Variants in OXNAD1 observed in about 807,000 individuals in gnomAD.
OXNAD1 encodes the protein oxidoreductase NAD binding domain containing 1, also known as oxidoreductase NAD-binding domain-containing protein 1.
Under a neutral mutation model 32.9 loss-of-function variants are expected in OXNAD1, and 34 were observed. The ratio of observed to expected loss-of-function variants is 1.03; its 90% CI spans 0.79 to 1.38. The LOEUF (loss-of-function observed/expected upper bound fraction) is 1.38. OXNAD1 is among the 40% of genes most tolerant of loss of function. OXNAD1 has a pLI of 0.00. For synonymous variants in OXNAD1, 134 were observed against 135.2 expected (o/e 0.99, Z 0.06); for missense variants, 407 against 379.4 (o/e 1.07, Z -0.60).
rs746640636 is a variant in OXNAD1 at position 16,335,239 on chromosome 3, A to T, written c.*31-1873A>T. Among the ~76,000 whole-genome samples the T allele has an allele frequency of 2.0e-5, 3 of 152,204 alleles. No homozygotes were observed. The highest frequency in any genetic ancestry group is 2.9e-5 in the Non-Finnish European group (2 of 68,030). On this transcript the variant is annotated intron_variant, in intron 9 of 9. Coordinates refer to the OXNAD1 transcript ENST00000435829. This position sits in a 1 kb window ranked among gnomAD's most constrained non-coding sequence, Gnocchi z 4.7. ...AACACTTGGAGGTGCTGACAGATGC[A>T]GGGTAGGTGAAAACTCCTGGAGGGA...
intron 9 of OXNAD1, chr3:16,315,778 G>A (rs2068323109): frequency 1.3e-5 from 2 of 152,256 alleles, no homozygotes; most frequent in Non-Finnish European, 2.9e-5. Context: ...TGAATGGGGG[G>A]TGTGGGCTGG....
rs866042949 is a variant in OXNAD1 at position 16,342,734 on chromosome 3, G to A, written c.*31-6442G>A. On this transcript the variant is annotated intron_variant, in intron 9 of 9. Transcript: ENST00000606098. The surrounding 1 kb of genome is among the most constrained non-coding windows in gnomAD (Gnocchi z 4.0). ...ATTTGCCACTTCACCCGAAAAGGAT[G>A]TTTAAAGAGGCCACTGATTTAAAAG... Among the ~76,000 whole-genome samples, 1 of 152,248 alleles carries A rather than the reference G, an allele frequency of 6.6e-6. No homozygotes were observed. The highest frequency in any genetic ancestry group is 2.4e-5 in the African/African-American group (1 of 41,462).
chr3:16,289,916 C>T lies in OXNAD1; in HGVS notation c.290+3468C>T, dbSNP rs1002149317. 3.9e-5 allele frequency among the ~76,000 whole-genome samples: 6 copies of T among 152,186 alleles called. No individual in the cohort carries two copies. The highest frequency in any genetic ancestry group is 3.9e-4 in the Admixed American group (6 of 15,276). ...CTTAGAGTGGGTTCATTGAGGGCAG[C>T]AACTAAGACATATGTGCATCTTTGT... On this transcript the variant is annotated intron_variant, in intron 5 of 8. Coordinates refer to ENST00000285083, the MANE Select transcript of OXNAD1 (RefSeq NM_138381.5). The surrounding 1 kb of genome is among the most constrained non-coding windows in gnomAD (Gnocchi z 4.9).
In OXNAD1 at chr3:16,344,362, A is replaced by G. The variant is rs1471621178; in HGVS notation, c.*31-4814A>G. Among the ~76,000 whole-genome samples the G allele has an allele frequency of 1.3e-5, 2 of 151,846 alleles. No individual in the cohort carries two copies. The highest frequency in any genetic ancestry group is 4.8e-5 in the African/African-American group (2 of 41,290). Reference sequence around the variant, plus strand: ...TTTTTTAATTAGTAGGATGCTTCCTATAGGCATCAACTATAATCTAATTTA... The same window carrying G: ...TTTTTTAATTAGTAGGATGCTTCCTGTAGGCATCAACTATAATCTAATTTA... On this transcript the variant is annotated intron_variant, in intron 9 of 9. Transcript: ENST00000606098. The surrounding 1 kb of genome is among the most constrained non-coding windows in gnomAD (Gnocchi z 4.4).
rs897011507 is a variant in OXNAD1 at position 16,284,771 on chromosome 3, C to T, written c.184-1571C>T. Among the ~76,000 whole-genome samples the T allele has an allele frequency of 2.6e-5, 4 of 152,202 alleles. No homozygotes were observed. The highest frequency in any genetic ancestry group is 9.6e-5 in the African/African-American group (4 of 41,458). The stretch of plus-strand genomic sequence containing the variant: ...TAGCTGAGGAGGGCTAGGTAACTTG[C>T]CCAGAGTCACACAGCTGGTAAGCGG... On this transcript the variant is annotated intron_variant, in intron 4 of 8. Coordinates refer to ENST00000285083, the MANE Select transcript of OXNAD1 (RefSeq NM_138381.5). The surrounding 1 kb of genome is among the most constrained non-coding windows in gnomAD (Gnocchi z 4.1).
chr3:16,302,852 A>G lies in OXNAD1; in HGVS notation c.784+104A>G. On this transcript the variant is annotated intron_variant, in intron 8 of 8. Transcript: ENST00000285083. The surrounding 1 kb of genome is among the most constrained non-coding windows in gnomAD (Gnocchi z 4.2). Reference sequence around the variant, plus strand: ...TATTGTTGGAAGCTGCTGGCTGGGAATGTCACTATCTGGGGAATTGGGATG... The same window carrying G: ...TATTGTTGGAAGCTGCTGGCTGGGAGTGTCACTATCTGGGGAATTGGGATG... The G allele has an allele frequency of 1.2e-6, 1 of 852,892 alleles. No homozygotes were observed. Among genetic ancestry groups the G allele is most frequent in the Non-Finnish European group, 1.9e-6 (1 of 525,744 alleles). 52.8% of individuals were successfully genotyped at this position (852,892 alleles called of 1,614,324 possible).
At position 16,277,276 on chromosome 3, in the gene OXNAD1, T is replaced by A. The variant is rs2065413952; in HGVS notation, c.183+5554T>A. On this transcript the variant is annotated intron_variant, in intron 4 of 8. Transcript: ENST00000285083. This position sits in a 1 kb window ranked among gnomAD's most constrained non-coding sequence, Gnocchi z 4.3. ...CTCTTCTCCCATACAGAATGAGAAC[T>A]GCGAAGAGTTGGGAGGAACTGGAGA... Among the ~76,000 whole-genome samples the A allele has an allele frequency of 6.6e-6, 1 of 152,130 alleles. No individual in the cohort carries two copies. The highest frequency in any genetic ancestry group is 1.5e-5 in the Non-Finnish European group (1 of 68,018).
Position 16,282,689 on chromosome 3 carries a change from G to A in OXNAD1, c.184-3653G>A, listed in dbSNP as rs117516460. ...GCTTGGCACATGCTGAATGACCTAGGTAGGGTTTTGGGGAAGGGCAGGTGT... is the reference window on the plus strand; with the variant it reads ...GCTTGGCACATGCTGAATGACCTAGATAGGGTTTTGGGGAAGGGCAGGTGT... On this transcript the variant is annotated intron_variant, in intron 4 of 8. Coordinates refer to ENST00000285083, the MANE Select transcript of OXNAD1 (RefSeq NM_138381.5). 6.0e-4 allele frequency among the ~76,000 whole-genome samples: 92 copies of A among 152,208 alleles called. 1 individual carries two copies. The East Asian group carries it at 0.014, about 22-fold the overall frequency.
intron 9 of OXNAD1, among the ~76,000 whole-genome samples, chr3:16,313,282 A>G (rs1161983104): frequency 6.9e-6 from 1 of 145,252 alleles, no homozygotes; most frequent in Non-Finnish European, 1.5e-5. Context: ...AGCTCAAGCG[A>G]TCCTTCTGTC....
At chr3:16,318,183 T>C (rs6797562) in intron 9 of OXNAD1, among the ~76,000 whole-genome samples, 35,698 of 151,688 alleles carry the variant, frequency 0.24, 5,880 homozygotes, top group African/African-American at 0.48. Flanking sequence ...CCCAGCTCCG[T>C]CACTGACCGG....
Position 16,334,446 on chromosome 3 carries a change from CAG to C in OXNAD1, c.*31-2663_*31-2662del, listed in dbSNP as rs2070656454. Among the ~76,000 whole-genome samples the C allele has an allele frequency of 6.6e-6, 1 of 152,166 alleles. No individual in the cohort carries two copies. The highest frequency in any genetic ancestry group is 2.4e-5 in the African/African-American group (1 of 41,428). On this transcript the variant is annotated intron_variant, in intron 9 of 9. Transcript: ENST00000435829. The surrounding 1 kb of genome is among the most constrained non-coding windows in gnomAD (Gnocchi z 4.3). ...TACGTATTAAAAAATGAGAAATGCA[CAG>C]AGTTATTCACTGGAGAGCGGTCTGC...
intron 4 of OXNAD1, chr3:16,276,647 C>G (rs1279356788): frequency 1.3e-5 from 2 of 154,214 alleles, no homozygotes; most frequent in East Asian, 1.9e-4. Flanking sequence ...TCCTGTATAG[C>G]TGAGTTTCAC....
rs143330320 is a variant in OXNAD1 at position 16,277,770 on chromosome 3, T to G, written c.183+6048T>G. Among the ~76,000 whole-genome samples the G allele has an allele frequency of 5.3e-5, 8 of 152,360 alleles. No individual in the cohort carries two copies. Among genetic ancestry groups the G allele is most frequent in the African/African-American group, 1.7e-4 (7 of 41,588 alleles). On this transcript the variant is annotated intron_variant, in intron 4 of 8. Transcript: ENST00000285083. This position sits in a 1 kb window ranked among gnomAD's most constrained non-coding sequence, Gnocchi z 4.3. ...TTTACTGAATGACCATTTATGATGT[T>G]TATGCTTCTTACTTGGGACTGTAAC...
Position 16,336,218 on chromosome 3 carries a change from G to A in OXNAD1, c.*31-894G>A, listed in dbSNP as rs1193848382. Among the ~76,000 whole-genome samples, 1 of 152,238 alleles carries A rather than the reference G, an allele frequency of 6.6e-6. No individual in the cohort carries two copies. Among genetic ancestry groups the A allele is most frequent in the Non-Finnish European group, 1.5e-5 (1 of 68,044 alleles). On this transcript the variant is annotated intron_variant, in intron 9 of 9. Transcript: ENST00000435829. This position sits in a 1 kb window ranked among gnomAD's most constrained non-coding sequence, Gnocchi z 6.0. ...TGGCCCTCAGGATGCTAAAGGGCAG[G>A]GCTATGCCTGGTATCACTGTTCATT...
downstream of OXNAD1, among the ~76,000 whole-genome samples, chr3:16,337,626 C>G (rs958944755): frequency 6.6e-6 from 1 of 151,682 alleles, no homozygotes; most frequent in Non-Finnish European, 1.5e-5. The surrounding 1 kb of genome is among the most constrained non-coding windows in gnomAD (Gnocchi z 5.0). Flanking sequence ...CCTGTAGTCC[C>G]AGCTACTCGG....
Position 16,334,278 on chromosome 3 carries a change from C to A in OXNAD1, c.*31-2834C>A, listed in dbSNP as rs571451862. Reference sequence around the variant, plus strand: ...AGGCAGCCCGCTTTGTTGCCAAGGCCGTGGGGAAGCATGCGTTCTTGTACA... The same window carrying A: ...AGGCAGCCCGCTTTGTTGCCAAGGCAGTGGGGAAGCATGCGTTCTTGTACA... On this transcript the variant is annotated intron_variant, in intron 9 of 9. Coordinates refer to the OXNAD1 transcript ENST00000435829. The surrounding 1 kb of genome is among the most constrained non-coding windows in gnomAD (Gnocchi z 4.3). 6.6e-6 allele frequency among the ~76,000 whole-genome samples: 1 copy of A among 152,156 alleles called. No individual in the cohort carries two copies. The highest frequency in any genetic ancestry group is 2.4e-5 in the African/African-American group (1 of 41,410).
At chr3:16,272,458 G>A in intron 4 of OXNAD1, 1 of 165,866 alleles carries the variant, frequency 6.0e-6, no homozygotes, top group Non-Finnish European at 1.3e-5. Flanking sequence ...ACTATTTCAT[G>A]TAAAGAAGGA....
At chr3:16,283,375 C>G (rs573458569) in intron 4 of OXNAD1, among the ~76,000 whole-genome samples, 15 of 152,246 alleles carry the variant, frequency 9.9e-5, no homozygotes, top group African/African-American at 3.6e-4. Context: ...GTCAAGCTAA[C>G]CTGGATTTGA....
intron 9 of OXNAD1, among the ~76,000 whole-genome samples, chr3:16,311,644 G>A (rs1409649672): frequency 6.6e-6 from 1 of 152,104 alleles, no homozygotes; most frequent in Non-Finnish European, 1.5e-5. Context: ...GCAAAATCCA[G>A]TCACTTTTGC....
Sources: gnomAD v4.1 joint callset for allele counts (sites outside exome capture counted in the v4.1 genomes callset) on GRCh38, gnomAD v4.1.1 for gene constraint, Gnocchi (gnomAD v3.1) non-coding constraint, MANE v1.5 for transcripts, NCBI Gene and HGNC (gene_info 2026-07-23, HGNC 2026-07-21) for gene names.